The following RIMS3 variants were observed in gnomAD, a reference collection of about 807,000 sequenced individuals.
The protein encoded by RIMS3 is regulating synaptic membrane exocytosis protein 3.
A neutral mutation model predicts 29.2 loss-of-function variants in RIMS3; 15 were observed. The ratio of observed to expected loss-of-function variants is 0.51; its 90% confidence interval spans 0.34 to 0.79. The LOEUF is 0.79. Among genes scored for constraint, RIMS3 ranks in the 30% least tolerant of loss-of-function variants. RIMS3 has a pLI of 0.01. For missense variants in RIMS3, 342 were observed against 421.4 expected, an observed-to-expected ratio of 0.81 and a Z score of 1.65; for synonymous variants, 161 against 170.1, an observed-to-expected ratio of 0.95 and a Z score of 0.41.
the RIMS3 span, among the ~76,000 whole-genome samples, chr1:40,671,761 T>TC: frequency 2.7e-5 from 4 of 148,782 alleles, no homozygotes; most frequent in South Asian, 2.1e-4. Flanking sequence ...TCTTTTCTTT[T>TC]TTTTTTTTTT....
chr1:40,685,228 A>G, the RIMS3 span, among the ~76,000 whole-genome samples: 1 of 148,776 alleles, frequency 6.7e-6, no homozygotes, highest in African/African-American at 2.5e-5. Context: ...GTCTCAGGAA[A>G]TCAAACGCCA....
At chr1:40,677,127 T>G in the RIMS3 span, among the ~76,000 whole-genome samples, 1 of 151,830 alleles carries the variant, frequency 6.6e-6, no homozygotes. Flanking sequence ...ACAACCTGAA[T>G]AGCTGGGATC....
chr1:40,687,824 T>C, the RIMS3 span, among the ~76,000 whole-genome samples: 2 of 152,162 alleles, frequency 1.3e-5, no homozygotes, highest in African/African-American at 4.8e-5. Context: ...ATGTCTTCCC[T>C]AATTTTACTC....
intron 2 of RIMS3, among the ~76,000 whole-genome samples, chr1:40,645,473 C>G (rs982112402): frequency 6.6e-6 from 1 of 152,306 alleles, no homozygotes; most frequent in East Asian, 1.9e-4. Flanking sequence ...TGCTTAGCAT[C>G]CCCTGTCCCT....
At chr1:40,683,303 AC>A in the RIMS3 span, among the ~76,000 whole-genome samples, 1 of 152,252 alleles carries the variant, frequency 6.6e-6, no homozygotes, top group Non-Finnish European at 1.5e-5. Context: ...TATTTTAACA[AC>A]GTTGAGAAGT....
intron 3 of RIMS3, among the ~76,000 whole-genome samples, chr1:40,637,091 C>A (rs756986950): frequency 6.6e-6 from 1 of 152,112 alleles, no homozygotes; most frequent in Non-Finnish European, 1.5e-5. Context: ...AGAGGCCAAG[C>A]GAATTAACAG....
Position 40,641,629 on chromosome 1 carries a change from C to A in RIMS3, c.217+80G>T. ...GTGTCTGTGGGCATGGAAGTGCAGA[C>A]CCATCAGGGCAGTCCCTGGGTAGTC... On this transcript the variant is annotated intron_variant, in intron 3 of 7. Coordinates refer to ENST00000372684, the MANE Select transcript of RIMS3 (RefSeq NM_014747.3). 3 of 1,387,530 alleles carry A rather than the reference C, an allele frequency of 2.2e-6. No individual in the cohort carries two copies. The Admixed American group carries it at 5.5e-5, about 25-fold the overall frequency. 86.0% of individuals were successfully genotyped at this position (1,387,530 alleles called of 1,614,324 possible).
chr1:40,691,413 C>G, the RIMS3 span: 1 of 249,532 alleles, frequency 4.0e-6, no homozygotes, highest in Non-Finnish European at 8.1e-6. Flanking sequence ...CGCGCACACA[C>G]CTACTTATTT....
rs1646425275 is a variant in RIMS3 at position 40,622,192 on chromosome 1, G to C, written c.*4325C>G. On this transcript the variant is annotated 3_prime_UTR_variant, in exon 8 of 8. Coordinates refer to ENST00000372684, the MANE Select transcript of RIMS3 (RefSeq NM_014747.3). Reference sequence around the variant, plus strand: ...TTGTGCAACTCAGCCATCAGAGTTGGTGCCCAAGGAGGCCAAGTTGCTCTC... The same window carrying C: ...TTGTGCAACTCAGCCATCAGAGTTGCTGCCCAAGGAGGCCAAGTTGCTCTC... The C allele has an allele frequency of 6.6e-6, 1 of 152,618 alleles. No individual in the cohort carries two copies. The highest frequency in any genetic ancestry group is 1.5e-5 in the Non-Finnish European group (1 of 68,042). 9.5% of individuals were successfully genotyped at this position (152,618 alleles called of 1,614,324 possible).
the RIMS3 span, among the ~76,000 whole-genome samples, chr1:40,683,400 T>G: frequency 3.3e-5 from 5 of 151,914 alleles, no homozygotes; most frequent in Non-Finnish European, 5.9e-5. Context: ...ATGGAGGGAG[T>G]GGACTCCAGA....
At chr1:40,670,675 G>A (rs1013037682), upstream of RIMS3, among the ~76,000 whole-genome samples, 7 of 142,446 alleles carry the variant, frequency 4.9e-5, no homozygotes, top group Admixed American at 2.2e-4. Context: ...TGCAATCTCC[G>A]CCTCCCAGGT....
chr1:40,653,525 A>T (rs1283335991), intron 1 of RIMS3, among the ~76,000 whole-genome samples: 1 of 152,182 alleles, frequency 6.6e-6, no homozygotes, highest in Non-Finnish European at 1.5e-5. Flanking sequence ...GCCTGAAAGG[A>T]GCACAGCTGG....
chr1:40,627,528 G>A (rs1038413482), intron 7 of RIMS3, among the ~76,000 whole-genome samples: 5 of 152,064 alleles, frequency 3.3e-5, no homozygotes, highest in African/African-American at 9.7e-5. Context: ...GTGCCCGGCC[G>A]TTATTCCTTT....
At chr1:40,688,733 C>T in the RIMS3 span, among the ~76,000 whole-genome samples, 55 of 152,264 alleles carry the variant, frequency 3.6e-4, no homozygotes, top group African/African-American at 1.3e-3. Flanking sequence ...TCCTAATGCT[C>T]AGTGTGGCTT....
chr1:40,624,690 G>GT lies in RIMS3; in HGVS notation c.*1826dup. On this transcript the variant is annotated 3_prime_UTR_variant, in exon 8 of 8. Transcript: ENST00000372684. ...TCTTCCCCTATCTTTCTTGGGAGGT[G>GT]TTATAAGACTCTGGCTTCAACGTAA... 1 of 152,676 alleles carries GT rather than the reference G, an allele frequency of 6.5e-6. No homozygotes were observed. The highest frequency in any genetic ancestry group is 6.5e-5 in the Admixed American group (1 of 15,286). The allele number at this position is 152,676 out of a possible 1,614,324, so 9.5% of individuals were successfully genotyped here.
At chr1:40,671,332 G>A in the RIMS3 span, among the ~76,000 whole-genome samples, 2 of 152,204 alleles carry the variant, frequency 1.3e-5, no homozygotes, top group Non-Finnish European at 2.9e-5. Context: ...ATTCACTGTG[G>A]AGTTCAGAAG....
chr1:40,632,674 C>G (rs1023583479), intron 5 of RIMS3, among the ~76,000 whole-genome samples: 1 of 151,698 alleles, frequency 6.6e-6, no homozygotes, highest in African/African-American at 2.4e-5. Context: ...AATCCACAAA[C>G]ACAGAACCCA....
the RIMS3 span, among the ~76,000 whole-genome samples, chr1:40,674,544 T>C: frequency 1.3e-5 from 2 of 152,122 alleles, no homozygotes; most frequent in African/African-American, 4.8e-5. Flanking sequence ...GGAAACTTAA[T>C]CCCCAAGGCA....
the RIMS3 span, chr1:40,691,771 A>G: frequency 4.4e-6 from 2 of 454,562 alleles, no homozygotes; most frequent in South Asian, 1.6e-5. Context: ...CGTGACGCAC[A>G]CTTCCCCCTC....
Sources: allele counts gnomAD v4.1 joint callset (sites outside exome capture counted in the v4.1 genomes callset), GRCh38; gene constraint gnomAD v4.1.1; transcripts MANE v1.5; gene names NCBI Gene and HGNC (gene_info 2026-07-23, HGNC 2026-07-21).